Variants in SLC35D4 observed in about 807,000 individuals in gnomAD.
The protein encoded by SLC35D4 is solute carrier family 35 member D4, also known as UDP-N-acetylglucosamine transporter SLC35D4.
At chr18:23,437,214 G>A in the SLC35D4 span, among the ~76,000 whole-genome samples, 1 of 152,188 alleles carries the variant, frequency 6.6e-6, no homozygotes. Flanking sequence ...ATGATGTCAT[G>A]ACATTAGTTT....
the SLC35D4 span, among the ~76,000 whole-genome samples, chr18:23,347,083 A>G: frequency 6.6e-6 from 1 of 151,888 alleles, no homozygotes; most frequent in African/African-American, 2.4e-5. Context: ...GTTTTAAAAC[A>G]CTTCTTCTTT....
the SLC35D4 span, among the ~76,000 whole-genome samples, chr18:23,275,624 G>A: frequency 2.4e-4 from 35 of 143,622 alleles, 2 homozygotes; most frequent in South Asian, 7.4e-3. Flanking sequence ...GTGCTGTGCT[G>A]TGCTGTGCTG....
chr18:23,238,574 A>G, the SLC35D4 span, among the ~76,000 whole-genome samples: 2 of 152,230 alleles, frequency 1.3e-5, no homozygotes, highest in Non-Finnish European at 2.9e-5. Context: ...GGGCATATTC[A>G]TCTTTGGCAG....
chr18:23,253,745 C>G, the SLC35D4 span: 3 of 1,613,954 alleles, frequency 1.9e-6, no homozygotes, highest in Non-Finnish European at 2.5e-6. Flanking sequence ...ACGAGAGATG[C>G]GGAAGCTTGC....
the SLC35D4 span, among the ~76,000 whole-genome samples, chr18:23,388,441 G>C: frequency 3.3e-5 from 5 of 152,140 alleles, no homozygotes; most frequent in African/African-American, 9.7e-5. Context: ...ACTTGCTCGA[G>C]TATTCACAGC....
the SLC35D4 span, among the ~76,000 whole-genome samples, chr18:23,333,018 C>A: frequency 6.6e-6 from 1 of 152,064 alleles, no homozygotes; most frequent in Non-Finnish European, 1.5e-5. Context: ...ACTCTATACA[C>A]CTGCTGAATA....
chr18:23,254,014 T>A, the SLC35D4 span: 1 of 1,209,938 alleles, frequency 8.3e-7, no homozygotes, highest in East Asian at 2.4e-5. Flanking sequence ...ATTCGGTCAG[T>A]GACCCTGCCT....
chr18:23,275,474 C>T, the SLC35D4 span, among the ~76,000 whole-genome samples: 6 of 152,182 alleles, frequency 3.9e-5, no homozygotes, highest in African/African-American at 1.4e-4. Context: ...CCACCAGCTT[C>T]CCCATCACCT....
At chr18:23,333,822 G>C in the SLC35D4 span, among the ~76,000 whole-genome samples, 1 of 152,208 alleles carries the variant, frequency 6.6e-6, no homozygotes, top group Non-Finnish European at 1.5e-5. Flanking sequence ...CTTTTCTGGA[G>C]GTGGAGGGGT....
the SLC35D4 span, among the ~76,000 whole-genome samples, chr18:23,410,477 C>CA: frequency 2.6e-3 from 283 of 108,674 alleles, no homozygotes; most frequent in Middle Eastern, 0.023. Context: ...GACTCTGTCT[C>CA]AAAAAAAAAA....
At chr18:23,259,980 CT>C in the SLC35D4 span, 9 of 121,898 alleles carry the variant, frequency 7.4e-5, no homozygotes, top group South Asian at 7.6e-4. Flanking sequence ...TGCCTGATTC[CT>C]TTTCCCCCGG....
the SLC35D4 span, among the ~76,000 whole-genome samples, chr18:23,427,049 T>TA: frequency 6.6e-6 from 1 of 152,162 alleles, no homozygotes; most frequent in African/African-American, 2.4e-5. Context: ...ATGTTAGACC[T>TA]AAAACCACAG....
At chr18:23,373,583 A>C in the SLC35D4 span, 1,537 of 1,024,670 alleles carry the variant, frequency 1.5e-3, 15 homozygotes, top group African/African-American at 0.022. Flanking sequence ...AGCCTGCAAG[A>C]TTTGGAATGC....
At chr18:23,364,104 G>A in the SLC35D4 span, among the ~76,000 whole-genome samples, 1 of 152,128 alleles carries the variant, frequency 6.6e-6, no homozygotes, top group African/African-American at 2.4e-5. Context: ...TCACTCAGAT[G>A]GCAGGTAAAA....
the SLC35D4 span, chr18:23,399,473 A>G: frequency 8.9e-7 from 1 of 1,127,842 alleles, no homozygotes; most frequent in Admixed American, 2.0e-5. Flanking sequence ...TATTAAAGTG[A>G]TTCTTTGCCC....
chr18:23,351,489 C>G, the SLC35D4 span, among the ~76,000 whole-genome samples: 4 of 151,914 alleles, frequency 2.6e-5, no homozygotes, highest in Non-Finnish European at 4.4e-5. Flanking sequence ...ATTTTCAAAG[C>G]AAAATGTTTG....
chr18:23,298,099 C>T, the SLC35D4 span: 4,210 of 1,613,112 alleles, frequency 2.6e-3, 98 homozygotes, highest in African/African-American at 0.047. Flanking sequence ...CAGCTCTCCA[C>T]TCCCCCGGGA....
chr18:23,389,048 G>C, the SLC35D4 span, among the ~76,000 whole-genome samples: 2 of 145,286 alleles, frequency 1.4e-5, no homozygotes, highest in African/African-American at 5.2e-5. Context: ...AGAGTGCAGT[G>C]GCGCCATCTT....
chr18:23,352,254 A>AC, the SLC35D4 span: 9 of 1,610,980 alleles, frequency 5.6e-6, no homozygotes, highest in South Asian at 9.9e-5. Flanking sequence ...TTTTAGCTTC[A>AC]CTGTACTGAA....
Sources: gnomAD v4.1 joint callset for allele counts (sites outside exome capture counted in the v4.1 genomes callset) on GRCh38, gnomAD v4.1.1 for gene constraint, MANE v1.5 for transcripts, NCBI Gene and HGNC (gene_info 2026-07-23, HGNC 2026-07-21) for gene names.